RNF39: variants seen among roughly 807,000 people sequenced by gnomAD.
RNF39 encodes ring finger protein 39.
A neutral mutation model predicts 29.2 loss-of-function variants in RNF39; 25 were observed. The ratio of observed to expected loss-of-function variants is 0.86; its 90% confidence interval spans 0.62 to 1.20. The LOEUF is 1.20. Among genes scored for constraint, RNF39 ranks in the 50% most tolerant of loss-of-function variants. The pLI is 0.00. For missense variants in RNF39, 519 were observed against 515.0 expected (o/e 1.01, Z -0.08); for synonymous variants, 219 against 229.0 (o/e 0.96, Z 0.40).
In RNF39 at chr6:30,074,620, G is replaced by C. The variant is rs1766260088; in HGVS notation, c.363+603C>G. 6.6e-6 allele frequency among the ~76,000 whole-genome samples: 1 copy of C among 152,108 alleles called. No homozygotes were observed. Among genetic ancestry groups the C allele is most frequent in the Non-Finnish European group, 1.5e-5 (1 of 68,000 alleles). On this transcript the variant is annotated intron_variant, in intron 1 of 3. Transcript: ENST00000244360. The surrounding 1 kb of genome is among the most constrained non-coding windows in gnomAD (Gnocchi z 4.1). ...AGACCAACCCCCACGACGCTACGGG[G>C]AGGTTTGGATATGCCCCAACCCCTT...
In RNF39 at chr6:30,071,633, G is replaced by A; in HGVS notation, c.537C>T (p.Arg179=). ...CTGGTGGGGCCAGTTGTACGCTGCG[G>A]CGGTCGGCGGAGATGAGCAGGCGGC... The part of the protein sequence containing the change: ...AHRRLLISAD[R]RSVQLAPPGT... The change falls in exon 4 of 4, where the codon CGC becomes CGT. Residue 179 remains arginine, a synonymous_variant. Transcript: ENST00000244360. The surrounding 1 kb of genome is among the most constrained non-coding windows in gnomAD (Gnocchi z 5.0). The A allele has an allele frequency of 7.0e-7, 1 of 1,436,730 alleles. No homozygotes were observed. The highest frequency in any genetic ancestry group is 9.1e-7 in the Non-Finnish European group (1 of 1,101,924). The allele number at this position is 1,436,730 out of a possible 1,614,324, so 89.0% of individuals were successfully genotyped here. A position where few individuals can be genotyped will look rare whatever the true frequency, so the allele number is the denominator to read the frequency against.
chr6:30,071,508 T>A lies in RNF39; in HGVS notation c.662A>T (p.Glu221Val). 1 of 1,547,986 alleles carries A rather than the reference T, an allele frequency of 6.5e-7. No homozygotes were observed. The highest frequency in any genetic ancestry group is 1.9e-5 in the Admixed American group (1 of 52,422). ...FGAGRHCWEV[E>V]TADAASCRDS... ...TCTGCAGGAGGCGGCGTCCGCAGTC[T>A]CCACCTCCCAGCAGTGGCGGCCGGC... Residue 221 changes from glutamate to valine, a missense_variant, in exon 4 of 4, where the codon GAG (glutamate) becomes GTG (valine). Physicochemically the swap from Glu to Val is moderately radical, Grantham distance 121 (BLOSUM62 -2). Transcript: ENST00000244360. This position sits in a 1 kb window ranked among gnomAD's most constrained non-coding sequence, Gnocchi z 5.0.
At position 30,071,124 on chromosome 6, in the gene RNF39, G is replaced by C. The variant is rs1191949930; in HGVS notation, c.1046C>G (p.Pro349Arg). ...TGGAGACGAGACTCAGCTTTCCGCT[G>C]GTACAATGCGGAGCGGAGCACGAGG... ...CDPRAPLRIV[P>R]AES Residue 349 changes from proline (P) to arginine (R), a missense_variant, in exon 4 of 4, where the codon CCA becomes CGA. By Grantham distance (103) the Pro-to-Arg change is moderately radical. Coordinates refer to ENST00000244360, the MANE Select transcript of RNF39 (RefSeq NM_025236.4). This position sits in a 1 kb window ranked among gnomAD's most constrained non-coding sequence, Gnocchi z 5.0. 1 of 1,558,478 alleles carries C rather than the reference G, an allele frequency of 6.4e-7. No homozygotes were observed. Among genetic ancestry groups the C allele is most frequent in the Non-Finnish European group, 8.7e-7 (1 of 1,152,314 alleles).
rs778134042 is a variant in RNF39, at chr6:30,071,530, C to G, written c.640G>C (p.Gly214Arg). The stretch of plus-strand genomic sequence containing the variant: ...GTCTCCACCTCCCAGCAGTGGCGGC[C>G]GGCCCCGAAGCCCTGCGCACCCAGC... ...AVLGAQGFGA[G>R]RHCWEVETAD... The change falls in exon 4 of 4, where the codon GGC (glycine) becomes CGC (arginine). Residue 214 changes from glycine to arginine, a missense_variant. Transcript: ENST00000244360. This position sits in a 1 kb window ranked among gnomAD's most constrained non-coding sequence, Gnocchi z 5.0. 2.0e-5 allele frequency: 30 copies of G among 1,529,020 alleles called. No homozygotes were observed. The South Asian group carries it at 3.1e-4, about 16-fold the overall frequency. 94.7% of individuals were successfully genotyped at this position (1,529,020 alleles called of 1,614,324 possible).
chr6:30,075,472 G>T lies in RNF39; in HGVS notation c.114C>A (p.Ser38Arg). Residue 38 changes from serine to arginine, a missense_variant, in exon 1 of 4, where the codon AGC becomes AGA. Physicochemically the swap from Ser to Arg is moderately radical, Grantham distance 110 (BLOSUM62 -1). Coordinates refer to ENST00000244360, the MANE Select transcript of RNF39 (RefSeq NM_025236.4). ...EDPVLLACEH[S>R]FCRACLARRW... ...GGCGGGCCAGACACGCGCGGCAGAA[G>T]CTGTGCTCGCACGCCAGAAGCACCG... is the stretch of plus-strand genomic sequence containing the variant. 1 of 1,551,744 alleles carries T rather than the reference G, an allele frequency of 6.4e-7. No homozygotes were observed. Among genetic ancestry groups the T allele is most frequent in the Non-Finnish European group, 8.7e-7 (1 of 1,150,570 alleles).
In RNF39 at chr6:30,071,755, G is replaced by T; in HGVS notation, c.479-64C>A. The T allele has an allele frequency of 7.7e-7, 1 of 1,298,084 alleles. No homozygotes were observed. The highest frequency in any genetic ancestry group is 3.3e-5 in the Admixed American group (1 of 30,566). The allele number at this position is 1,298,084 out of a possible 1,614,324, so 80.4% of individuals were successfully genotyped here. ...GTTTTCTAAATCACAGGCGGGGTAG[G>T]GTGGAGAATAGTCAACGAAGATCAC... is the stretch of plus-strand genomic sequence containing the variant. On this transcript the variant is annotated intron_variant, in intron 3 of 3. Coordinates refer to ENST00000244360, the MANE Select transcript of RNF39 (RefSeq NM_025236.4). This position sits in a 1 kb window ranked among gnomAD's most constrained non-coding sequence, Gnocchi z 5.0.
Position 30,071,530 on chromosome 6 carries a change from C to A in RNF39, c.640G>T (p.Gly214Cys). Reference sequence around the variant, plus strand: ...GTCTCCACCTCCCAGCAGTGGCGGCCGGCCCCGAAGCCCTGCGCACCCAGC... The same window carrying A: ...GTCTCCACCTCCCAGCAGTGGCGGCAGGCCCCGAAGCCCTGCGCACCCAGC... The part of the protein sequence containing the change: ...AVLGAQGFGA[G>C]RHCWEVETAD... The change falls in exon 4 of 4, where the codon GGC becomes TGC. Residue 214 changes from glycine to cysteine, a missense_variant. Coordinates refer to ENST00000244360, the MANE Select transcript of RNF39 (RefSeq NM_025236.4). The surrounding 1 kb of genome is among the most constrained non-coding windows in gnomAD (Gnocchi z 5.0). The A allele has an allele frequency of 6.5e-7, 1 of 1,529,020 alleles. No individual in the cohort carries two copies. Among genetic ancestry groups the A allele is most frequent in the Non-Finnish European group, 8.8e-7 (1 of 1,142,024 alleles). The allele number at this position is 1,529,020 out of a possible 1,614,324, so 94.7% of individuals were successfully genotyped here.
In RNF39 at chr6:30,071,638, C is replaced by A. The variant is rs909569391; in HGVS notation, c.532G>T (p.Asp178Tyr). 5 of 1,432,230 alleles carry A rather than the reference C, an allele frequency of 3.5e-6. No homozygotes were observed. Among genetic ancestry groups the A allele is most frequent in the Non-Finnish European group, 4.5e-6 (5 of 1,099,668 alleles). The allele number at this position is 1,432,230 out of a possible 1,614,324, so 88.7% of individuals were successfully genotyped here. ...TAHRRLLISA[D>Y]RRSVQLAPPG... Reference sequence around the variant, plus strand: ...GGGGCCAGTTGTACGCTGCGGCGGTCGGCGGAGATGAGCAGGCGGCGGTGT... The same window carrying A: ...GGGGCCAGTTGTACGCTGCGGCGGTAGGCGGAGATGAGCAGGCGGCGGTGT... The change falls in exon 4 of 4, where the codon GAC becomes TAC. Residue 178 changes from aspartate (D) to tyrosine (Y), a missense_variant. By Grantham distance (160) the Asp-to-Tyr change is radical (BLOSUM62 -3). Coordinates refer to ENST00000244360, the MANE Select transcript of RNF39 (RefSeq NM_025236.4). The surrounding 1 kb of genome is among the most constrained non-coding windows in gnomAD (Gnocchi z 5.0).
In RNF39 at chr6:30,073,799, T is replaced by A. The variant is rs936429314; in HGVS notation, c.364-321A>T. Among the ~76,000 whole-genome samples the A allele has an allele frequency of 7.9e-5, 12 of 152,130 alleles. 1 individual carries two copies. The highest frequency in any genetic ancestry group is 2.9e-4 in the African/African-American group (12 of 41,416). On this transcript the variant is annotated intron_variant, in intron 1 of 3. Coordinates refer to ENST00000244360, the MANE Select transcript of RNF39 (RefSeq NM_025236.4). ...GCTCGTCCGTGACTGTTTCTTGTCC[T>A]CAGAGCCCTTGCCTTCCTTGCTGCC...
Position 30,075,595 on chromosome 6 carries a change from G to A in RNF39, c.-10C>T, listed in dbSNP as rs748291849. Reference sequence around the variant, plus strand: ...GCTCGGGCGCATCCATGGAAAGCCAGGATCTGGACGCCGCCCCTTCCGCGA... The same window carrying A: ...GCTCGGGCGCATCCATGGAAAGCCAAGATCTGGACGCCGCCCCTTCCGCGA... On this transcript the variant is annotated 5_prime_UTR_variant, in exon 1 of 4. Transcript: ENST00000244360. The A allele has an allele frequency of 4.3e-5, 69 of 1,608,550 alleles. No homozygotes were observed. The highest frequency in any genetic ancestry group is 5.6e-5 in the Non-Finnish European group (66 of 1,179,854).
chr6:30,074,387 T>TG lies in RNF39; in HGVS notation c.363+835dup, dbSNP rs1024936690. Among the ~76,000 whole-genome samples the TG allele has an allele frequency of 2.7e-4, 41 of 152,124 alleles. No individual in the cohort carries two copies. The highest frequency in any genetic ancestry group is 1.2e-4 in the Non-Finnish European group (8 of 67,982). On this transcript the variant is annotated intron_variant, in intron 1 of 3. Coordinates refer to ENST00000244360, the MANE Select transcript of RNF39 (RefSeq NM_025236.4). The surrounding 1 kb of genome is among the most constrained non-coding windows in gnomAD (Gnocchi z 4.1). Reference sequence around the variant, plus strand: ...CCCAGGGGTCGGTCGGGCAAGGGAATGGGCTGGTTAGTGGCCAAGGAGCCG... The same window carrying TG: ...CCCAGGGGTCGGTCGGGCAAGGGAATGGGGCTGGTTAGTGGCCAAGGAGCCG...
chr6:30,073,126 A>C (rs559655062), intron 3 of RNF39, 31 bp downstream of exon 3: 1 of 1,420,800 alleles, frequency 7.0e-7, no homozygotes, highest in Non-Finnish European at 1.0e-6. Flanking sequence ...ACTTTCATTC[A>C]ATTCCCTTCC....
Position 30,071,802 on chromosome 6 carries a change from AC to A in RNF39, c.479-112del. On this transcript the variant is annotated intron_variant, in intron 3 of 3. Coordinates refer to ENST00000244360, the MANE Select transcript of RNF39 (RefSeq NM_025236.4). This position sits in a 1 kb window ranked among gnomAD's most constrained non-coding sequence, Gnocchi z 5.0. Reference sequence around the variant, plus strand: ...TCACGTAAAAGACTGAGAGCTAGTGACCACACAACAGCTCAAAAGGCGACTG... The same window carrying A: ...TCACGTAAAAGACTGAGAGCTAGTGACACACAACAGCTCAAAAGGCGACTG... 1.1e-6 allele frequency: 1 copy of A among 939,660 alleles called. No homozygotes were observed. 58.2% of individuals were successfully genotyped at this position (939,660 alleles called of 1,614,324 possible). A position where few individuals can be genotyped will look rare whatever the true frequency, so the allele number is the denominator to read the frequency against.
In RNF39 at chr6:30,070,987, G is replaced by A. The variant is rs1022429624; in HGVS notation, c.*124C>T. Reference sequence around the variant, plus strand: ...CTCATTATTTTGGGGCGAAAATGTGGGTTGCTATTAATACTCCTGCAATGG... The same window carrying A: ...CTCATTATTTTGGGGCGAAAATGTGAGTTGCTATTAATACTCCTGCAATGG... On this transcript the variant is annotated 3_prime_UTR_variant, in exon 4 of 4. Coordinates refer to ENST00000244360, the MANE Select transcript of RNF39 (RefSeq NM_025236.4). The A allele has an allele frequency of 2.4e-6, 2 of 849,588 alleles. No individual in the cohort carries two copies. The highest frequency in any genetic ancestry group is 2.0e-5 in the Admixed American group (1 of 50,168). The allele number at this position is 849,588 out of a possible 1,614,324, so 52.6% of individuals were successfully genotyped here.
chr6:30,071,768 C>A lies in RNF39; in HGVS notation c.479-77G>T. The A allele has an allele frequency of 8.3e-7, 1 of 1,202,756 alleles. No individual in the cohort carries two copies. The allele number at this position is 1,202,756 out of a possible 1,614,324, so 74.5% of individuals were successfully genotyped here. ...CAGGCGGGGTAGGGTGGAGAATAGTCAACGAAGATCACGTAAAAGACTGAG... is the reference window on the plus strand; with the variant it reads ...CAGGCGGGGTAGGGTGGAGAATAGTAAACGAAGATCACGTAAAAGACTGAG... On this transcript the variant is annotated intron_variant, in intron 3 of 3. Transcript: ENST00000244360. This position sits in a 1 kb window ranked among gnomAD's most constrained non-coding sequence, Gnocchi z 5.0.
In RNF39 at chr6:30,075,333, C is replaced by T. The variant is rs764397171; in HGVS notation, c.253G>A (p.Val85Met). ...TCTCGCAGCTCGCGGCTGATTCGCA[C>T]CTCCACCGCCAGCCGCACATTAGAC... Reference protein sequence around the residue: ...LRSNVRLAVEVRISRELREKL... With the variant: ...LRSNVRLAVEMRISRELREKL... The change falls in exon 1 of 4, where the codon GTG becomes ATG. Residue 85 changes from valine to methionine, a missense_variant. Coordinates refer to ENST00000244360, the MANE Select transcript of RNF39 (RefSeq NM_025236.4). 28 of 1,591,322 alleles carry T rather than the reference C, an allele frequency of 1.8e-5. No individual in the cohort carries two copies. The highest frequency in any genetic ancestry group is 2.2e-5 in the Non-Finnish European group (26 of 1,171,608).
rs753660371 is a variant in RNF39, at chr6:30,075,246, C to T, written c.340G>A (p.Gly114Ser). ...ACCTCTCCGGGCAGGTCCAGGCAGC[C>T]CATGGTGGGGATGCGCCCCCCTCGG... ...RRRGGRIPTM[G>S]CLDLPGEDMR... Residue 114 changes from glycine (G) to serine (S), a missense_variant, in exon 1 of 4, where the codon GGC becomes AGC. Coordinates refer to ENST00000244360, the MANE Select transcript of RNF39 (RefSeq NM_025236.4). The T allele has an allele frequency of 6.3e-7, 1 of 1,598,282 alleles. No homozygotes were observed. Among genetic ancestry groups the T allele is most frequent in the South Asian group, 1.1e-5 (1 of 89,456 alleles).
At chr6:30,073,390 C>A in intron 2 of RNF39, 66 bp downstream of exon 2, 1 of 1,603,466 alleles carries the variant, frequency 6.2e-7, no homozygotes, top group Non-Finnish European at 8.5e-7. Context: ...AAGGTGTGGG[C>A]CCAGTGAGAA....
intron 1 of RNF39, among the ~76,000 whole-genome samples, chr6:30,073,767 T>C (rs1195651965): frequency 3.3e-5 from 5 of 152,124 alleles, no homozygotes; most frequent in Non-Finnish European, 5.9e-5. Flanking sequence ...CAATTCTCTT[T>C]TCCCAGGCTC....
Sources: gnomAD v4.1 joint callset for allele counts (sites outside exome capture counted in the v4.1 genomes callset) on GRCh38, gnomAD v4.1.1 for gene constraint, Gnocchi (gnomAD v3.1) non-coding constraint, MANE v1.5 for transcripts, NCBI Gene and HGNC (gene_info 2026-07-23, HGNC 2026-07-21) for gene names.